ARHGAP44: variants seen among roughly 807,000 people sequenced by gnomAD.
The protein encoded by ARHGAP44 is rho GTPase-activating protein 44.
In ARHGAP44, 43 loss-of-function variants were observed where a neutral mutation model predicts 106.8. The observed-to-expected ratio is 0.40, with a 90% confidence interval of 0.32 to 0.52. ARHGAP44 has a LOEUF of 0.52. Among genes scored for constraint, ARHGAP44 ranks in the 20% least tolerant of loss-of-function variants. ARHGAP44 has a pLI of 0.48. For missense variants in ARHGAP44, 866 were observed against 1,050.5 expected, an observed-to-expected ratio of 0.82 and a Z score of 2.43; for synonymous variants, 439 against 410.3, an observed-to-expected ratio of 1.07 and a Z score of -0.85.
At chr17:12,887,045 G>A (rs981616386) in intron 1 of ARHGAP44, among the ~76,000 whole-genome samples, 2 of 144,180 alleles carry the variant, frequency 1.4e-5, no homozygotes, top group African/African-American at 5.2e-5. Context: ...TGCTATGATC[G>A]TGTGGTTTTT....
chr17:12,869,080 T>C (rs1206204033), intron 1 of ARHGAP44, among the ~76,000 whole-genome samples: 1 of 152,206 alleles, frequency 6.6e-6, no homozygotes, highest in Non-Finnish European at 1.5e-5. Flanking sequence ...TTAAAACATC[T>C]TATTTTTGAG....
At chr17:12,837,790 G>A (rs1433239702) in intron 1 of ARHGAP44, among the ~76,000 whole-genome samples, 2 of 152,066 alleles carry the variant, frequency 1.3e-5, no homozygotes, top group Admixed American at 6.6e-5. Flanking sequence ...ATTATACATT[G>A]GGGGCTCCTT....
chr17:12,810,689 G>A (rs2034411554), intron 1 of ARHGAP44, among the ~76,000 whole-genome samples: 1 of 152,162 alleles, frequency 6.6e-6, no homozygotes, highest in African/African-American at 2.4e-5. Flanking sequence ...GATGTGCTAG[G>A]AGGGTGATGC....
chr17:12,875,519 G>C (rs1293932454), intron 1 of ARHGAP44, among the ~76,000 whole-genome samples: 3 of 152,222 alleles, frequency 2.0e-5, no homozygotes, highest in East Asian at 3.9e-4. Flanking sequence ...TTGAGTCCAG[G>C]AGTTCAAGAT....
chr17:12,984,416 C>T (rs200663704), intron 19 of ARHGAP44, 115 bp from the exon 20 acceptor site: 25 of 1,141,828 alleles, frequency 2.2e-5, no homozygotes, highest in East Asian at 5.9e-5. Flanking sequence ...GGGTGGGTGG[C>T]GAGGGGCAGG....
At chr17:12,819,769 T>A (rs1255779442) in intron 1 of ARHGAP44, among the ~76,000 whole-genome samples, 2 of 152,082 alleles carry the variant, frequency 1.3e-5, no homozygotes, top group East Asian at 1.9e-4. Context: ...GGATTCTTCA[T>A]CTCTTCTGTT....
At chr17:12,970,365 C>CAAAAAAAAAAA (rs66577680) in intron 16 of ARHGAP44, among the ~76,000 whole-genome samples, 6 of 55,098 alleles carry the variant, frequency 1.1e-4, no homozygotes, top group Non-Finnish European at 2.1e-4. Context: ...GACCCTGTCT[C>CAAAAAAAAAAA]AAAAAAAAAA....
At chr17:12,847,061 A>AT (rs2035589254) in intron 1 of ARHGAP44, among the ~76,000 whole-genome samples, 1 of 152,184 alleles carries the variant, frequency 6.6e-6, no homozygotes, top group Admixed American at 6.5e-5. Flanking sequence ...GAATTACATC[A>AT]TTTTTACCTG....
In ARHGAP44 at chr17:12,990,254, C is replaced by T; in HGVS notation, c.*83C>T. On this transcript the variant is annotated 3_prime_UTR_variant, in exon 21 of 21. Transcript: ENST00000379672. ...CCAGGAGCAGCGTCCATGAGCTTGC[C>T]AAGTGTTCTCTGCTGGCTCTTTCCT... The T allele has an allele frequency of 1.3e-6, 2 of 1,502,922 alleles. No individual in the cohort carries two copies. Among genetic ancestry groups the T allele is most frequent in the African/African-American group, 1.4e-5 (1 of 72,576 alleles). The allele number at this position is 1,502,922 out of a possible 1,614,324, so 93.1% of individuals were successfully genotyped here.
intron 3 of ARHGAP44, 86 bp downstream of exon 3, chr17:12,896,597 G>GT (rs2037214165): frequency 2.6e-6 from 3 of 1,173,524 alleles, no homozygotes; most frequent in Non-Finnish European, 1.2e-6. Context: ...GGATGTAGCT[G>GT]TTTATGTAGC....
chr17:12,930,617 A>G (rs1429393088), intron 7 of ARHGAP44, among the ~76,000 whole-genome samples: 2 of 152,096 alleles, frequency 1.3e-5, no homozygotes, highest in East Asian at 1.9e-4. Context: ...TTCTTTTTCA[A>G]TAGACAAGAG....
intron 5 of ARHGAP44, 22 bp downstream of exon 5, chr17:12,916,033 A>G (rs1435061995): frequency 6.3e-7 from 1 of 1,598,894 alleles, no homozygotes. Context: ...GAGTGAGGCC[A>G]GGCCTGAAAG....
chr17:12,831,386 C>A (rs559802893), intron 1 of ARHGAP44, among the ~76,000 whole-genome samples: 9 of 152,272 alleles, frequency 5.9e-5, no homozygotes, highest in African/African-American at 1.9e-4. Context: ...GTGGTAGGGG[C>A]AGTTTAATGG....
intron 1 of ARHGAP44, among the ~76,000 whole-genome samples, chr17:12,822,335 T>G (rs537756336): frequency 1.4e-5 from 2 of 147,838 alleles, no homozygotes; most frequent in East Asian, 4.0e-4. Context: ...AAATTATTCT[T>G]GTGGACCATA....
At chr17:12,814,123 A>G (rs925784426) in intron 1 of ARHGAP44, among the ~76,000 whole-genome samples, 1 of 144,258 alleles carries the variant, frequency 6.9e-6, no homozygotes, top group Non-Finnish European at 1.5e-5. Context: ...TGAAATGTGT[A>G]TGCTCTTCTC....
At chr17:12,935,899 A>G (rs2038534216) in intron 7 of ARHGAP44, among the ~76,000 whole-genome samples, 2 of 152,238 alleles carry the variant, frequency 1.3e-5, no homozygotes, top group African/African-American at 4.8e-5. Flanking sequence ...TAAGCCAAAC[A>G]AATCAGAAGA....
intron 3 of ARHGAP44, among the ~76,000 whole-genome samples, chr17:12,903,985 T>C (rs1317086909): frequency 1.3e-5 from 2 of 152,318 alleles, no homozygotes; most frequent in African/African-American, 4.8e-5. Flanking sequence ...TCATTTGTAG[T>C]CTGTTGTGCG....
intron 19 of ARHGAP44, among the ~76,000 whole-genome samples, chr17:12,982,355 C>T (rs2039855030): frequency 6.6e-6 from 1 of 151,302 alleles, no homozygotes; most frequent in Non-Finnish European, 1.5e-5. Context: ...CTTCTGACAG[C>T]GTGCCGACAA....
intron 3 of ARHGAP44, among the ~76,000 whole-genome samples, chr17:12,900,662 G>A (rs905655011): frequency 2.6e-5 from 4 of 152,186 alleles, no homozygotes; most frequent in Non-Finnish European, 5.9e-5. Context: ...TGAGCCAGCT[G>A]AGCAGGATTT....
Sources: allele counts gnomAD v4.1 joint callset (sites outside exome capture counted in the v4.1 genomes callset), GRCh38; gene constraint gnomAD v4.1.1; transcripts MANE v1.5; gene names NCBI Gene and HGNC (gene_info 2026-07-23, HGNC 2026-07-21).